ANKS1B: variants seen among roughly 807,000 people sequenced by gnomAD.
ANKS1B encodes ankyrin repeat and sterile alpha motif domain containing 1B, also known as ankyrin repeat and sterile alpha motif domain-containing protein 1B.
ANKS1B carries 36 observed loss-of-function variants against 148.3 expected under a neutral mutation model. The observed-to-expected ratio is 0.24, with a 90% CI of 0.19 to 0.32. ANKS1B has a LOEUF of 0.32. ANKS1B is among the 10% of genes least tolerant of loss of function. The pLI, the probability that ANKS1B is intolerant of heterozygous loss-of-function variation, is 1.00. For synonymous variants in ANKS1B, 542 were observed against 560.8 expected (o/e 0.97, Z 0.47); for missense variants, 1,157 against 1,542.6 (o/e 0.75, Z 4.19).
intron 26 of ANKS1B, among the ~76,000 whole-genome samples, chr12:98,749,270 T>A (rs1291950819): frequency 9.9e-5 from 15 of 151,880 alleles, no homozygotes; most frequent in Non-Finnish European, 2.2e-4. Flanking sequence ...AGCTAACTTT[T>A]TTTTTTTTTT....
intron 10 of ANKS1B, among the ~76,000 whole-genome samples, chr12:99,457,409 G>C (rs1045234554): frequency 1.3e-5 from 2 of 151,596 alleles, no homozygotes; most frequent in Non-Finnish European, 2.9e-5. Flanking sequence ...ATGATAAACA[G>C]AACAGAACTT....
intron 12 of ANKS1B, among the ~76,000 whole-genome samples, chr12:99,373,481 T>C (rs2093246924): frequency 6.6e-6 from 1 of 152,124 alleles, no homozygotes; most frequent in Non-Finnish European, 1.5e-5. Context: ...CATCCTCCCC[T>C]GACCAAGAAT....
chr12:99,048,549 C>T (rs2099963913), intron 17 of ANKS1B, among the ~76,000 whole-genome samples: 1 of 152,128 alleles, frequency 6.6e-6, no homozygotes, highest in East Asian at 1.9e-4. Context: ...TGATTAAATG[C>T]ATTTTATTTG....
At chr12:99,968,411 A>G (rs193054717) in intron 1 of ANKS1B, among the ~76,000 whole-genome samples, 25 of 152,174 alleles carry the variant, frequency 1.6e-4, no homozygotes, top group Admixed American at 5.9e-4. Flanking sequence ...AAAAAAAAAT[A>G]GCCCGGTGTG....
intron 8 of ANKS1B, among the ~76,000 whole-genome samples, chr12:99,698,973 G>GTGTGTGTGAGT (rs56223205): frequency 8.4e-6 from 1 of 119,436 alleles, no homozygotes; most frequent in South Asian, 2.6e-4. Context: ...TGTGTGTGTG[G>GTGTGTGTGAGT]GTGTGCACGC....
chr12:99,883,559 T>A (rs2153740810), intron 1 of ANKS1B, among the ~76,000 whole-genome samples: 1 of 150,964 alleles, frequency 6.6e-6, no homozygotes, highest in Non-Finnish European at 1.5e-5. Context: ...AAAATAAAAC[T>A]CTTGCTCTGC....
At chr12:98,777,854 T>C (rs922174518) in intron 24 of ANKS1B, among the ~76,000 whole-genome samples, 1 of 152,190 alleles carries the variant, frequency 6.6e-6, no homozygotes, top group African/African-American at 2.4e-5. Context: ...TCACAAAGTC[T>C]AATGGGGGCT....
At chr12:99,823,822 T>C (rs1016158224) in intron 2 of ANKS1B, among the ~76,000 whole-genome samples, 5 of 152,212 alleles carry the variant, frequency 3.3e-5, no homozygotes, top group African/African-American at 1.2e-4. Flanking sequence ...CCAGCTATCC[T>C]AGCACTATTT....
At chr12:99,610,602 A>C (rs1314159665) in intron 9 of ANKS1B, among the ~76,000 whole-genome samples, 1 of 152,102 alleles carries the variant, frequency 6.6e-6, no homozygotes, top group Non-Finnish European at 1.5e-5. Context: ...CAGGAGAAAG[A>C]AGGGTAGGAG....
chr12:99,760,318 T>C (rs1354249354), intron 8 of ANKS1B, among the ~76,000 whole-genome samples: 1 of 151,638 alleles, frequency 6.6e-6, no homozygotes, highest in Non-Finnish European at 1.5e-5. Flanking sequence ...TTCAAAAAAA[T>C]CAAAACCATA....
intron 9 of ANKS1B, among the ~76,000 whole-genome samples, chr12:99,560,335 T>C (rs2097320217): frequency 6.6e-6 from 1 of 152,174 alleles, no homozygotes; most frequent in Non-Finnish European, 1.5e-5. Flanking sequence ...GTTGTTTTTT[T>C]TCACATAGCC....
intron 9 of ANKS1B, among the ~76,000 whole-genome samples, chr12:99,609,900 A>G (rs2097885863): frequency 6.6e-6 from 1 of 152,124 alleles, no homozygotes; most frequent in Non-Finnish European, 1.5e-5. Context: ...GGCATTATAG[A>G]CAGAGACCAG....
intron 8 of ANKS1B, among the ~76,000 whole-genome samples, chr12:99,756,848 A>G (rs763769443): frequency 1.5e-4 from 23 of 152,138 alleles, no homozygotes; most frequent in Non-Finnish European, 2.6e-4. Flanking sequence ...CAATGGGGAA[A>G]GGATTCCCTA....
intron 9 of ANKS1B, among the ~76,000 whole-genome samples, chr12:99,605,846 T>C (rs1298127968): frequency 6.6e-6 from 1 of 152,090 alleles, no homozygotes; most frequent in Non-Finnish European, 1.5e-5. Flanking sequence ...TCTGAATATA[T>C]ACCCTGTAGT....
At chr12:98,871,577 C>T (rs184421744) in intron 17 of ANKS1B, among the ~76,000 whole-genome samples, 128 of 152,150 alleles carry the variant, frequency 8.4e-4, no homozygotes, top group Admixed American at 1.4e-3. Context: ...AAAGAAGATA[C>T]TAGAAAAATT....
chr12:99,248,624 G>A (rs767787057), intron 12 of ANKS1B, among the ~76,000 whole-genome samples: 32 of 152,232 alleles, frequency 2.1e-4, no homozygotes, highest in Non-Finnish European at 2.1e-4. Flanking sequence ...GTGGATAGTG[G>A]GATAAGGCAG....
chr12:99,152,395 T>C (rs368185347), intron 15 of ANKS1B, among the ~76,000 whole-genome samples: 1 of 152,154 alleles, frequency 6.6e-6, no homozygotes. Flanking sequence ...TTATACCAAA[T>C]ACTTTGAATT....
chr12:98,990,470 A>G (rs995072400), intron 17 of ANKS1B, among the ~76,000 whole-genome samples: 5 of 151,998 alleles, frequency 3.3e-5, no homozygotes, highest in African/African-American at 1.2e-4. Context: ...AGAAAAATAA[A>G]TAACCTGGCA....
intron 12 of ANKS1B, among the ~76,000 whole-genome samples, chr12:99,396,904 A>C (rs1289344789): frequency 2.0e-5 from 3 of 152,184 alleles, no homozygotes; most frequent in South Asian, 2.1e-4. Context: ...TCTGAAAGGC[A>C]AGTATCAAAG....
Sources: gnomAD v4.1 joint callset for allele counts (sites outside exome capture counted in the v4.1 genomes callset) on GRCh38, gnomAD v4.1.1 for gene constraint, MANE v1.5 for transcripts, NCBI Gene and HGNC (gene_info 2026-07-23, HGNC 2026-07-21) for gene names.